The following CFAP221 variants were observed in gnomAD, a reference collection of about 807,000 sequenced individuals.
CFAP221 encodes the protein cilia and flagella associated protein 221, also known as cilia- and flagella-associated protein 221.
Under a neutral mutation model 113.1 loss-of-function variants are expected in CFAP221, and 97 were observed. That is an observed-to-expected ratio of 0.86 (90% CI 0.73 to 1.02). The LOEUF is 1.02. Among genes scored for constraint, CFAP221 ranks in the 50% least tolerant of loss-of-function variants. CFAP221 has a pLI of 0.00. For synonymous variants in CFAP221, 331 were observed against 354.4 expected, an observed-to-expected ratio of 0.93 and a Z score of 0.74; for missense variants, 1,025 against 1,013.4, an observed-to-expected ratio of 1.01 and a Z score of -0.16.
At chr2:119,601,562 G>C in intron 8 of CFAP221, 185 bp downstream of exon 8, 2 of 526,078 alleles carry the variant, frequency 3.8e-6, no homozygotes, top group East Asian at 3.3e-5. Flanking sequence ...CTAGTAGCAA[G>C]AGTTGCTTCT....
intron 6 of CFAP221, among the ~76,000 whole-genome samples, chr2:119,571,133 CTTTT>C (rs34017847): frequency 4.3e-5 from 4 of 93,148 alleles, no homozygotes; most frequent in South Asian, 3.7e-4. Context: ...TAACAACCCC[CTTTT>C]TTTTTTTTTT....
rs1482932616 is a variant in CFAP221 at position 119,572,558 on chromosome 2, C to A, written c.527+10444C>A. ...CTGTAGTTTACCCAACAGCGTCTTC[C>A]TGGTACCAGATAACTAGTTGAAACT... On this transcript the variant is annotated intron_variant, in intron 6 of 23. Coordinates refer to ENST00000413369, the MANE Select transcript of CFAP221 (RefSeq NM_001271049.2). 4.3e-6 allele frequency: 3 copies of A among 701,122 alleles called. No homozygotes were observed. The African/African-American group carries it at 5.2e-5, about 12-fold the overall frequency. 43.4% of individuals were successfully genotyped at this position (701,122 alleles called of 1,614,324 possible).
At chr2:119,625,542 G>A (rs747424230) in intron 14 of CFAP221, 41 bp from the exon 15 acceptor site, 2 of 1,532,550 alleles carry the variant, frequency 1.3e-6, no homozygotes, top group Admixed American at 1.7e-5. Context: ...ATGAGCGTGT[G>A]TTGATTAATA....
chr2:119,579,121 C>A, intron 6 of CFAP221, among the ~76,000 whole-genome samples: 1 of 151,782 alleles, frequency 6.6e-6, no homozygotes, highest in East Asian at 1.9e-4. Flanking sequence ...TATGTATAGC[C>A]TTAGCATAAT....
intron 19 of CFAP221, 200 bp from the exon 20 acceptor site, chr2:119,638,059 T>G: frequency 2.5e-6 from 1 of 403,382 alleles, no homozygotes; most frequent in Non-Finnish European, 4.4e-6. Context: ...AAGTGACATT[T>G]ATGAATGACT....
In CFAP221 at chr2:119,549,376, T is replaced by TG. The variant is rs1680268361; in HGVS notation, c.240+192dup. On this transcript the variant is annotated intron_variant, in intron 3 of 23. Transcript: ENST00000413369. Reference sequence around the variant, plus strand: ...TGTCTTGGACAAGTTACTTTCCTCTTGCCAAAGGCTCCCCTTGCACTCTTT... The same window carrying TG: ...TGTCTTGGACAAGTTACTTTCCTCTTGGCCAAAGGCTCCCCTTGCACTCTTT... Among the ~76,000 whole-genome samples, 6 of 152,276 alleles carry TG rather than the reference T, an allele frequency of 3.9e-5. No individual in the cohort carries two copies. In the South Asian group the frequency reaches 1.2e-3, roughly 32 times the overall value.
chr2:119,567,245 C>G (rs1032792085), intron 6 of CFAP221, among the ~76,000 whole-genome samples: 1 of 122,318 alleles, frequency 8.2e-6, no homozygotes, highest in Non-Finnish European at 1.7e-5. Flanking sequence ...AGTATTTTCA[C>G]TGCTCTAAAA....
chr2:119,568,443 T>G (rs1681798645), intron 6 of CFAP221, among the ~76,000 whole-genome samples: 1 of 152,104 alleles, frequency 6.6e-6, no homozygotes, highest in Non-Finnish European at 1.5e-5. Flanking sequence ...ACCTAGGTAT[T>G]AAGCCCAGCA....
intron 6 of CFAP221, among the ~76,000 whole-genome samples, chr2:119,578,529 T>G (rs1682612264): frequency 6.6e-6 from 1 of 152,234 alleles, no homozygotes. Context: ...AACCCTAAAA[T>G]GAGATCACTG....
chr2:119,635,577 TG>T (rs1232183152), intron 19 of CFAP221, among the ~76,000 whole-genome samples: 1 of 151,976 alleles, frequency 6.6e-6, no homozygotes, highest in African/African-American at 2.4e-5. Flanking sequence ...AAATAACTCT[TG>T]GGGGTGATGG....
At position 119,655,289 on chromosome 2, in the gene CFAP221, T is replaced by G. The variant is rs1168732122; in HGVS notation, c.2415-1073T>G. Among the ~76,000 whole-genome samples the G allele has an allele frequency of 2.6e-5, 4 of 152,212 alleles. No homozygotes were observed. In the East Asian group the frequency reaches 7.7e-4, roughly 29 times the overall value. ...TCAAGGAACTGTGAGACTGTGACTTTAGTTGCTGACACATTTTTCAGCACT... is the reference window on the plus strand; with the variant it reads ...TCAAGGAACTGTGAGACTGTGACTTGAGTTGCTGACACATTTTTCAGCACT... On this transcript the variant is annotated intron_variant, in intron 23 of 23. Transcript: ENST00000413369.
At chr2:119,603,253 G>A (rs998998135) in intron 8 of CFAP221, among the ~76,000 whole-genome samples, 5 of 152,074 alleles carry the variant, frequency 3.3e-5, no homozygotes, top group East Asian at 1.9e-4. Context: ...CGTCATCGAC[G>A]TTGAGGATAT....
At chr2:119,581,260 A>G (rs1682825629) in intron 6 of CFAP221, among the ~76,000 whole-genome samples, 1 of 152,248 alleles carries the variant, frequency 6.6e-6, no homozygotes, top group South Asian at 2.1e-4. Context: ...GTTTAATAAA[A>G]CTTTAAAATA....
At chr2:119,548,121 A>T (rs1680178193) in intron 2 of CFAP221, among the ~76,000 whole-genome samples, 1 of 151,750 alleles carries the variant, frequency 6.6e-6, no homozygotes, top group Non-Finnish European at 1.5e-5. Context: ...ACACTACCAC[A>T]CCCAGCTAAT....
Position 119,647,027 on chromosome 2 carries a change from G to C in CFAP221, c.2295G>C (p.Glu765Asp). Residue 765 changes from glutamate (E) to aspartate (D), a missense_variant, in exon 22 of 24, where the codon GAG becomes GAC. Glu to Asp is a conservative substitution (Grantham distance 45, BLOSUM62 2). Coordinates refer to ENST00000413369, the MANE Select transcript of CFAP221 (RefSeq NM_001271049.2). ...VPAILDALPE[E>D]DRLETVEREL... ...CCATCCTTGATGCCTTACCAGAAGAGGACAGACTAGAAACAGTAGAACGGT... is the reference window on the plus strand; with the variant it reads ...CCATCCTTGATGCCTTACCAGAAGACGACAGACTAGAAACAGTAGAACGGT... 1 of 1,611,034 alleles carries C rather than the reference G, an allele frequency of 6.2e-7. No homozygotes were observed.
At chr2:119,578,724 G>A (rs1372892493) in intron 6 of CFAP221, among the ~76,000 whole-genome samples, 1 of 152,116 alleles carries the variant, frequency 6.6e-6, no homozygotes, top group Non-Finnish European at 1.5e-5. Context: ...AGTCATCGTG[G>A]AAAAAGTTAG....
intron 3 of CFAP221, among the ~76,000 whole-genome samples, chr2:119,559,064 T>C (rs757186758): frequency 6.6e-6 from 1 of 152,184 alleles, no homozygotes; most frequent in Non-Finnish European, 1.5e-5. Context: ...AAAATTCTTG[T>C]GTCCCTTTCA....
chr2:119,575,272 C>A (rs551934187), intron 6 of CFAP221, among the ~76,000 whole-genome samples: 4 of 152,206 alleles, frequency 2.6e-5, no homozygotes, highest in Non-Finnish European at 4.4e-5. Context: ...TGCCTTCCTC[C>A]CCTCGACCAT....
At chr2:119,624,420 T>C (rs1285820347) in intron 14 of CFAP221, among the ~76,000 whole-genome samples, 1 of 152,212 alleles carries the variant, frequency 6.6e-6, no homozygotes, top group African/African-American at 2.4e-5. Context: ...ACACTGTTGG[T>C]GGGCCTGTAA....
Sources: allele counts gnomAD v4.1 joint callset (sites outside exome capture counted in the v4.1 genomes callset), GRCh38; gene constraint gnomAD v4.1.1; transcripts MANE v1.5; gene names NCBI Gene and HGNC (gene_info 2026-07-23, HGNC 2026-07-21).